Variants in ABHD8 observed in about 807,000 individuals in gnomAD.
ABHD8 encodes protein ABHD8.
In ABHD8, 10 loss-of-function variants were observed where a neutral mutation model predicts 29.3. That is an observed-to-expected ratio of 0.34 (90% CI 0.21 to 0.58). The LOEUF (loss-of-function observed/expected upper bound fraction) is 0.58. Among genes scored for constraint, ABHD8 ranks in the 20% least tolerant of loss-of-function variants. The pLI is 0.85. For missense variants in ABHD8, 556 were observed against 615.3 expected (o/e 0.90, Z 1.02); for synonymous variants, 282 against 274.6 (o/e 1.03, Z -0.27).
Position 17,292,540 on chromosome 19 carries a change from C to A in ABHD8, c.*121G>T. On this transcript the variant is annotated 3_prime_UTR_variant, in exon 5 of 5. Transcript: ENST00000247706. Reference sequence around the variant, plus strand: ...GGCAGCCTGGGGGCGTCTCCCTGACCTGGCCCCGCCCACCGGAGCGAACGG... The same window carrying A: ...GGCAGCCTGGGGGCGTCTCCCTGACATGGCCCCGCCCACCGGAGCGAACGG... 2 of 1,237,402 alleles carry A rather than the reference C, an allele frequency of 1.6e-6. No homozygotes were observed. The highest frequency in any genetic ancestry group is 2.1e-6 in the Non-Finnish European group (2 of 933,816). The allele number at this position is 1,237,402 out of a possible 1,614,324, so 76.7% of individuals were successfully genotyped here. A position where few individuals can be genotyped will look rare whatever the true frequency, so the allele number is the denominator to read the frequency against.
At chr19:17,298,051 A>G (rs1180524611) in intron 2 of ABHD8, 4 of 151,750 alleles carry the variant, frequency 2.6e-5, no homozygotes, top group Non-Finnish European at 5.9e-5. Context: ...AGTAGCTGGG[A>G]CTACAGGCGC....
chr19:17,299,560 C>CAAAAAAAA (rs567760409), intron 2 of ABHD8, among the ~76,000 whole-genome samples: 1 of 51,506 alleles, frequency 1.9e-5, no homozygotes, highest in East Asian at 6.8e-4. Flanking sequence ...GACTCCATCT[C>CAAAAAAAA]AAAAAAAAAA....
At chr19:17,295,341 A>C (rs1264134812) in intron 2 of ABHD8, among the ~76,000 whole-genome samples, 1 of 151,978 alleles carries the variant, frequency 6.6e-6, no homozygotes, top group Non-Finnish European at 1.5e-5. Context: ...TCCTGACCTC[A>C]AGTGATCCAT....
At position 17,292,662 on chromosome 19, in the gene ABHD8, T is replaced by C. The variant is rs1447311953; in HGVS notation, c.1319A>G (p.Ter440TrpextTer10). The C allele has an allele frequency of 3.7e-6, 6 of 1,608,848 alleles. No homozygotes were observed. The highest frequency in any genetic ancestry group is 5.1e-6 in the Non-Finnish European group (6 of 1,178,016). ...AGCGATGCCCCGCCGGCCCAGCGGC[T>C]ACTTCTTGTCTTCTGGAGGCGCCGG... ...PLPAPPEDKK[*>W] is the part of the protein sequence containing the mutation. The change falls in exon 5 of 5, where the codon TAG becomes TGG. Residue 440 changes from the stop codon to tryptophan (W), a stop_lost. Coordinates refer to ENST00000247706, the MANE Select transcript of ABHD8 (RefSeq NM_024527.5).
At chr19:17,298,770 T>G (rs1308649136) in intron 2 of ABHD8, among the ~76,000 whole-genome samples, 1 of 122,306 alleles carries the variant, frequency 8.2e-6, no homozygotes, top group Non-Finnish European at 1.6e-5. Flanking sequence ...GGGCAGAGTC[T>G]CACTCTGTTG....
chr19:17,295,675 G>A (rs928665150), intron 2 of ABHD8, among the ~76,000 whole-genome samples: 7 of 151,196 alleles, frequency 4.6e-5, no homozygotes, highest in East Asian at 3.9e-4. Context: ...CCCAAAGTGC[G>A]GGGATTACAG....
intron 1 of ABHD8, chr19:17,302,793 C>G (rs1186237440): frequency 1.3e-5 from 2 of 152,600 alleles, no homozygotes; most frequent in East Asian, 1.9e-4. Context: ...ACCCCCGCCC[C>G]CGTGTCCATG....
Position 17,292,200 on chromosome 19 carries a change from TC to T in ABHD8, c.*460del, listed in dbSNP as rs145458935. Reference sequence around the variant, plus strand: ...AGGTTCGGTGGCGCCAGCCCCCCCATCCCCCCCCCTTGGGCAAAAATAGCTC... The same window carrying T: ...AGGTTCGGTGGCGCCAGCCCCCCCATCCCCCCCCTTGGGCAAAAATAGCTC... On this transcript the variant is annotated 3_prime_UTR_variant, in exon 5 of 5. Coordinates refer to ENST00000247706, the MANE Select transcript of ABHD8 (RefSeq NM_024527.5). 4.3e-3 allele frequency: 700 copies of T among 162,834 alleles called. 2 individuals are homozygous for T. The highest frequency in any genetic ancestry group is 6.6e-3 in the South Asian group (33 of 4,992). 10.1% of individuals were successfully genotyped at this position (162,834 alleles called of 1,614,324 possible).
intron 1 of ABHD8, among the ~76,000 whole-genome samples, chr19:17,301,986 G>T (rs750195305): frequency 6.6e-6 from 1 of 152,086 alleles, no homozygotes; most frequent in Non-Finnish European, 1.5e-5. Context: ...TAGAGATGGG[G>T]TTTCACCATG....
At chr19:17,293,090 TTTTC>T (rs2074078116) in intron 4 of ABHD8, among the ~76,000 whole-genome samples, 2 of 117,858 alleles carry the variant, frequency 1.7e-5, no homozygotes, top group Non-Finnish European at 1.7e-5. Flanking sequence ...TCTTTTTTTC[TTTTC>T]TTTCTTTTTT....
At chr19:17,299,429 C>T (rs963094950) in intron 2 of ABHD8, among the ~76,000 whole-genome samples, 11 of 151,646 alleles carry the variant, frequency 7.3e-5, no homozygotes, top group East Asian at 5.8e-4. Context: ...GGCATGGTAG[C>T]GGGTGCCTGT....
chr19:17,301,048 A>C lies in ABHD8; in HGVS notation c.569T>G (p.Ile190Ser). ...FIHGVGGSLA[I>S]WKEQLDFFVR... ...AAAGAAGTCCAGCTGCTCCTTCCAG[A>C]TGGCCAGGGAACCGCCGACACCATG... is the stretch of plus-strand genomic sequence containing the variant. Residue 190 changes from isoleucine to serine, a missense_variant, in exon 2 of 5, where the codon ATC becomes AGC. Coordinates refer to ENST00000247706, the MANE Select transcript of ABHD8 (RefSeq NM_024527.5). The C allele has an allele frequency of 6.2e-7, 1 of 1,613,474 alleles. No individual in the cohort carries two copies. The highest frequency in any genetic ancestry group is 8.5e-7 in the Non-Finnish European group (1 of 1,180,028).
At position 17,301,279 on chromosome 19, in the gene ABHD8, G is replaced by C; in HGVS notation, c.338C>G (p.Pro113Arg). ...CAGCTCCACCTCCAGGGCGGCCGGC[G>C]GCTCCCCAGAGCCATTCTGCCCGTG... is the stretch of plus-strand genomic sequence containing the variant. ...LLHGQNGSGE[P>R]PAALEVELAD... Residue 113 changes from proline to arginine, a missense_variant, in exon 2 of 5, where the codon CCG becomes CGG. By Grantham distance (103) the Pro-to-Arg change is moderately radical. This residue lies in a region of ABHD8 where 286 missense variants were observed against 261.4 expected (regional missense o/e 1.09). Coordinates refer to ENST00000247706, the MANE Select transcript of ABHD8 (RefSeq NM_024527.5). The C allele has an allele frequency of 6.2e-7, 1 of 1,604,356 alleles. No homozygotes were observed. The highest frequency in any genetic ancestry group is 8.5e-7 in the Non-Finnish European group (1 of 1,178,766).
In ABHD8 at chr19:17,294,667, A is replaced by G. The variant is rs1039187307; in HGVS notation, c.932+8T>C. On this transcript the variant is annotated splice_region_variant and intron_variant, in intron 3 of 4. Transcript: ENST00000247706. ...CAGGATCACGGTCTTTGGGGTGGGG[A>G]CACTCACTTGAGGAAGCTCCAGGCC... 1.9e-6 allele frequency: 3 copies of G among 1,612,912 alleles called. No individual in the cohort carries two copies. In the African/African-American group the frequency reaches 4.0e-5, roughly 22 times the overall value.
chr19:17,292,429 C>A lies in ABHD8; in HGVS notation c.*232G>T, dbSNP rs1436932705. On this transcript the variant is annotated 3_prime_UTR_variant, in exon 5 of 5. Coordinates refer to ENST00000247706, the MANE Select transcript of ABHD8 (RefSeq NM_024527.5). ...TCATCTTCCGTGAGGGTCCCGGCTG[C>A]GGCCCCAAAACGCCGATGGGCCCCG... is the stretch of plus-strand genomic sequence containing the variant. The A allele has an allele frequency of 1.9e-6, 1 of 532,118 alleles. No homozygotes were observed. The highest frequency in any genetic ancestry group is 3.2e-6 in the Non-Finnish European group (1 of 310,840). The allele number at this position is 532,118 out of a possible 1,614,324, so 33.0% of individuals were successfully genotyped here. A position where few individuals can be genotyped will look rare whatever the true frequency, so the allele number is the denominator to read the frequency against.
intron 2 of ABHD8, among the ~76,000 whole-genome samples, chr19:17,295,961 T>C (rs1013754160): frequency 6.6e-6 from 1 of 152,012 alleles, no homozygotes; most frequent in African/African-American, 2.4e-5. Context: ...TCCTCTGGCC[T>C]TAACCTCCCA....
intron 2 of ABHD8, among the ~76,000 whole-genome samples, chr19:17,295,764 G>T (rs2074091450): frequency 6.6e-6 from 1 of 152,182 alleles, no homozygotes; most frequent in Non-Finnish European, 1.5e-5. Context: ...GAGTGGTGCG[G>T]TGGCGTAATC....
chr19:17,293,429 A>G (rs375914443), intron 4 of ABHD8, among the ~76,000 whole-genome samples: 2 of 134,672 alleles, frequency 1.5e-5, no homozygotes, highest in South Asian at 5.1e-4. Flanking sequence ...CAACTCTACC[A>G]ACATTAGGAG....
chr19:17,294,438 C>T lies in ABHD8; in HGVS notation c.999G>A (p.Val333=), dbSNP rs758833512. ...QLLKEGNAFN[V]SSFVLRAMMS... ...TCATGGCCCGGAGTACGAAGGATGACACGTTGAAAGCGTTGCCCTCCTTTA... is the reference window on the plus strand; with the variant it reads ...TCATGGCCCGGAGTACGAAGGATGATACGTTGAAAGCGTTGCCCTCCTTTA... The change falls in exon 4 of 5, where the codon GTG becomes GTA. Residue 333 remains valine, a synonymous_variant. Coordinates refer to ENST00000247706, the MANE Select transcript of ABHD8 (RefSeq NM_024527.5). 12 of 1,614,030 alleles carry T rather than the reference C, an allele frequency of 7.4e-6. No individual in the cohort carries two copies. Among genetic ancestry groups the T allele is most frequent in the Non-Finnish European group, 1.0e-5 (12 of 1,180,016 alleles).
Sources: gnomAD v4.1 joint callset for allele counts (sites outside exome capture counted in the v4.1 genomes callset) on GRCh38, gnomAD v4.1.1 for gene constraint, gnomAD v4.1.1 regional missense constraint, MANE v1.5 for transcripts, NCBI Gene and HGNC (gene_info 2026-07-23, HGNC 2026-07-21) for gene names.